MAPKAP1: variants seen among roughly 807,000 people sequenced by gnomAD.
The protein encoded by MAPKAP1 is MAPK associated protein 1.
MAPKAP1 carries 20 observed loss-of-function variants against 65.7 expected under a neutral mutation model. That is an observed-to-expected ratio of 0.30 (90% CI 0.21 to 0.44). The LOEUF is 0.44. MAPKAP1 is among the 20% of genes least tolerant of loss of function. The pLI is 1.00. For missense variants in MAPKAP1, 423 were observed against 648.0 expected (o/e 0.65, Z 3.77); for synonymous variants, 222 against 244.3 (o/e 0.91, Z 0.85).
At chr9:125,634,803 A>G (rs1042497692) in intron 4 of MAPKAP1, among the ~76,000 whole-genome samples, 9 of 152,212 alleles carry the variant, frequency 5.9e-5, no homozygotes, top group African/African-American at 2.2e-4. Flanking sequence ...CCTTTAAACT[A>G]CTTTCACGAG....
At chr9:125,672,946 T>C (rs991055672) in intron 1 of MAPKAP1, among the ~76,000 whole-genome samples, 4 of 152,206 alleles carry the variant, frequency 2.6e-5, no homozygotes, top group Admixed American at 2.0e-4. Flanking sequence ...TAAAACAATA[T>C]ATTTTCCTTT....
At chr9:125,445,057 T>C (rs1222186340) in intron 10 of MAPKAP1, among the ~76,000 whole-genome samples, 1 of 152,004 alleles carries the variant, frequency 6.6e-6, no homozygotes, top group Non-Finnish European at 1.5e-5. Flanking sequence ...AGAGGACTCC[T>C]GCCTGGAGAG....
At chr9:125,596,225 T>C in intron 4 of MAPKAP1, 1 of 765,788 alleles carries the variant, frequency 1.3e-6, no homozygotes, top group East Asian at 2.4e-5. Context: ...AAGAGATGGC[T>C]AATACTTCAT....
At chr9:125,634,018 G>C (rs1833357709) in intron 4 of MAPKAP1, among the ~76,000 whole-genome samples, 1 of 152,218 alleles carries the variant, frequency 6.6e-6, no homozygotes, top group Non-Finnish European at 1.5e-5. Flanking sequence ...TGATTAATTT[G>C]TTCTCAGGCT....
intron 3 of MAPKAP1, among the ~76,000 whole-genome samples, chr9:125,665,289 G>A (rs547348850): frequency 3.0e-4 from 46 of 152,204 alleles, no homozygotes; most frequent in Non-Finnish European, 5.7e-4. Context: ...TCCAGCCTGG[G>A]TGACAAAAGG....
chr9:125,672,181 T>A, intron 2 of MAPKAP1, 135 bp downstream of exon 2: 1 of 931,300 alleles, frequency 1.1e-6, no homozygotes, highest in South Asian at 1.7e-5. Flanking sequence ...AGACTCACTC[T>A]TAGTCTGACA....
At chr9:125,512,556 G>GTT (rs1164380512) in intron 7 of MAPKAP1, among the ~76,000 whole-genome samples, 1 of 151,934 alleles carries the variant, frequency 6.6e-6, no homozygotes, top group African/African-American at 2.4e-5. Context: ...CTCTCACGTA[G>GTT]TTTATTGGTT....
intron 7 of MAPKAP1, among the ~76,000 whole-genome samples, chr9:125,520,921 T>C (rs1829598384): frequency 6.6e-6 from 1 of 152,208 alleles, no homozygotes; most frequent in East Asian, 1.9e-4. Flanking sequence ...AAGACCATCA[T>C]TGACAGGGTC....
At chr9:125,528,567 C>T (rs748956582) in intron 7 of MAPKAP1, among the ~76,000 whole-genome samples, 26 of 152,022 alleles carry the variant, frequency 1.7e-4, no homozygotes, top group Non-Finnish European at 3.1e-4. Context: ...ATGGAAGGAC[C>T]GCCAGGCACA....
intron 7 of MAPKAP1, among the ~76,000 whole-genome samples, chr9:125,537,552 C>A (rs1830108707): frequency 6.6e-6 from 1 of 152,136 alleles, no homozygotes; most frequent in African/African-American, 2.4e-5. Flanking sequence ...TGTGATCATG[C>A]CTCACTGTAG....
intron 8 of MAPKAP1, among the ~76,000 whole-genome samples, chr9:125,497,142 G>A (rs1325769204): frequency 6.6e-6 from 1 of 152,050 alleles, no homozygotes; most frequent in Non-Finnish European, 1.5e-5. Context: ...GGTAAATGAG[G>A]GCTCTCAGAC....
chr9:125,676,580 G>T (rs1290472736), intron 1 of MAPKAP1, among the ~76,000 whole-genome samples: 1 of 152,184 alleles, frequency 6.6e-6, no homozygotes, highest in African/African-American at 2.4e-5. Flanking sequence ...CAAACTGACA[G>T]AAAGTCTAAC....
intron 6 of MAPKAP1, among the ~76,000 whole-genome samples, chr9:125,556,483 C>T (rs986304737): frequency 4.6e-5 from 7 of 152,208 alleles, no homozygotes; most frequent in African/African-American, 7.2e-5. Flanking sequence ...TCAGGTTCCA[C>T]GCCTCTAAAT....
rs150649057 is a variant in MAPKAP1 at position 125,496,684 on chromosome 9, C to G, written c.1066+9626G>C. On this transcript the variant is annotated intron_variant, in intron 8 of 11. Transcript: ENST00000265960. The stretch of plus-strand genomic sequence containing the variant: ...ATCACAAAGAGGGTCGGAAGCACAC[C>G]AGGATAAAGCTGACTTTCATCCTCT... Among the ~76,000 whole-genome samples the G allele has an allele frequency of 2.1e-3, 324 of 152,264 alleles. 2 individuals are homozygous for G. Among genetic ancestry groups the G allele is most frequent in the African/African-American group, 7.5e-3 (310 of 41,540 alleles).
chr9:125,663,803 A>G (rs1374968855), intron 3 of MAPKAP1, among the ~76,000 whole-genome samples: 3 of 152,132 alleles, frequency 2.0e-5, no homozygotes, highest in African/African-American at 7.2e-5. Context: ...ATACTTCTTG[A>G]GAGCCCTCCT....
At chr9:125,514,716 G>C (rs1318441952) in intron 7 of MAPKAP1, among the ~76,000 whole-genome samples, 1 of 152,186 alleles carries the variant, frequency 6.6e-6, no homozygotes, top group Non-Finnish European at 1.5e-5. Context: ...GCAGGAAAGT[G>C]ACACAATCAG....
intron 7 of MAPKAP1, among the ~76,000 whole-genome samples, chr9:125,508,077 GA>G (rs1476498628): frequency 6.6e-6 from 1 of 152,020 alleles, no homozygotes; most frequent in Non-Finnish European, 1.5e-5. Context: ...GAGGCGGGGG[GA>G]TTGCTTGAGC....
At chr9:125,576,847 G>C (rs2131553792) in intron 5 of MAPKAP1, among the ~76,000 whole-genome samples, 1 of 152,018 alleles carries the variant, frequency 6.6e-6, no homozygotes, top group East Asian at 1.9e-4. Flanking sequence ...CTGGAGTGCA[G>C]TGGCGTGATC....
chr9:125,584,652 C>G (rs961480674), intron 5 of MAPKAP1, among the ~76,000 whole-genome samples: 1 of 152,158 alleles, frequency 6.6e-6, no homozygotes, highest in African/African-American at 2.4e-5. Flanking sequence ...GTCTCAAACC[C>G]CTGACCTCAG....
Sources: allele counts gnomAD v4.1 joint callset (sites outside exome capture counted in the v4.1 genomes callset), GRCh38; gene constraint gnomAD v4.1.1; transcripts MANE v1.5; gene names NCBI Gene and HGNC (gene_info 2026-07-23, HGNC 2026-07-21).